Variants in SGSH observed in about 807,000 individuals in gnomAD.
The protein encoded by SGSH is heparan sulfate sulfatase.
In SGSH, 48 loss-of-function variants were observed where a neutral mutation model predicts 51.0. That is an observed-to-expected ratio of 0.94 (90% CI 0.75 to 1.20). SGSH has a LOEUF of 1.20. Among genes scored for constraint, SGSH ranks in the 50% most tolerant of loss-of-function variants. The pLI, the probability that SGSH is intolerant of heterozygous loss-of-function variation, is 0.00. For synonymous variants in SGSH, 321 were observed against 313.4 expected (o/e 1.02, Z -0.26); for missense variants, 662 against 717.8 (o/e 0.92, Z 0.89).
downstream of SGSH, chr17:80,202,226 G>T: frequency 6.2e-7 from 1 of 1,613,966 alleles, no homozygotes; most frequent in Non-Finnish European, 8.5e-7. Flanking sequence ...TGGCGACCTC[G>T]GGGGACTCAT....
chr17:80,211,408 C>T lies in SGSH; in HGVS notation c.950-397G>A, dbSNP rs529363567. Reference sequence around the variant, plus strand: ...TCGGAGGGAAAGGGAACCTGAGTTTCCTGCTGTCCCGGGCCCACCCCACCT... The same window carrying T: ...TCGGAGGGAAAGGGAACCTGAGTTTTCTGCTGTCCCGGGCCCACCCCACCT... On this transcript the variant is annotated intron_variant, in intron 7 of 7. Coordinates refer to ENST00000326317, the MANE Select transcript of SGSH (RefSeq NM_000199.5). 9.0e-5 allele frequency: 29 copies of T among 322,304 alleles called. No individual in the cohort carries two copies. In the East Asian group the frequency reaches 1.8e-3, roughly 20 times the overall value. 20.0% of individuals were successfully genotyped at this position (322,304 alleles called of 1,614,324 possible).
downstream of SGSH, chr17:80,202,265 G>A (rs1598696214): frequency 6.2e-7 from 1 of 1,613,906 alleles, no homozygotes; most frequent in Non-Finnish European, 8.5e-7. Flanking sequence ...TGGCCATGGA[G>A]GGCAGGGCCA....
At chr17:80,207,349 G>C (rs926902316), downstream of SGSH, among the ~76,000 whole-genome samples, 19 of 152,182 alleles carry the variant, frequency 1.2e-4, no homozygotes, top group Non-Finnish European at 2.6e-4. Flanking sequence ...TCAGCAGTTC[G>C]AGACCAGCCT....
At chr17:80,217,647 T>G (rs1567929319) in intron 1 of SGSH, among the ~76,000 whole-genome samples, 1 of 150,656 alleles carries the variant, frequency 6.6e-6, no homozygotes. Flanking sequence ...ATGGTGGGTA[T>G]GTTGGCAGGT....
rs1467891010 is a variant in SGSH at position 80,209,745 on chromosome 17, A to C, written c.*707T>G. 1.0e-6 allele frequency: 1 copy of C among 985,518 alleles called. No individual in the cohort carries two copies. Among genetic ancestry groups the C allele is most frequent in the Admixed American group, 6.1e-5 (1 of 16,270 alleles). The allele number at this position is 985,518 out of a possible 1,614,324, so 61.0% of individuals were successfully genotyped here. A position where few individuals can be genotyped will look rare whatever the true frequency, so the allele number is the denominator to read the frequency against. ...AGAGGACGGGCATCGCCATGCCTTC[A>C]TCTTCGGACACTCTCAAAAAAGATA... On this transcript the variant is annotated 3_prime_UTR_variant, in exon 8 of 8. Coordinates refer to ENST00000326317, the MANE Select transcript of SGSH (RefSeq NM_000199.5).
At chr17:80,202,493 TTCC>T, downstream of SGSH, 2 of 1,557,468 alleles carry the variant, frequency 1.3e-6, no homozygotes, top group Non-Finnish European at 1.7e-6. Context: ...CTGCCTCGGC[TTCC>T]TCCTCCTGCC....
intron 7 of SGSH, 111 bp downstream of exon 7, chr17:80,211,960 A>G (rs888736582): frequency 2.3e-6 from 2 of 869,692 alleles, no homozygotes; most frequent in South Asian, 1.4e-5. Context: ...CCTCACCCAG[A>G]TGATATGAGA....
At position 80,212,394 on chromosome 17, in the gene SGSH, G is replaced by A. The variant is rs868126053; in HGVS notation, c.746-120C>T. 13 of 856,358 alleles carry A rather than the reference G, an allele frequency of 1.5e-5. No homozygotes were observed. The highest frequency in any genetic ancestry group is 2.1e-5 in the Non-Finnish European group (11 of 524,278). 53.0% of individuals were successfully genotyped at this position (856,358 alleles called of 1,614,324 possible). A position where few individuals can be genotyped will look rare whatever the true frequency, so the allele number is the denominator to read the frequency against. ...CTGGGCTCCAGCGCTTTCCGGATTC[G>A]AAAGCACCCTGTAGTTCTTCCCAAT... On this transcript the variant is annotated intron_variant, in intron 6 of 7. Coordinates refer to ENST00000326317, the MANE Select transcript of SGSH (RefSeq NM_000199.5). The surrounding 1 kb of genome is among the most constrained non-coding windows in gnomAD (Gnocchi z 5.9).
chr17:80,205,869 C>G (rs2144579838), downstream of SGSH: 1 of 473,986 alleles, frequency 2.1e-6, no homozygotes, highest in African/African-American at 2.0e-5. Context: ...CCTTGAATCT[C>G]AGTTTCCTCA....
chr17:80,209,931 G>A lies in SGSH; in HGVS notation c.*521C>T, dbSNP rs2041563464. ...CTCAAAGGCTTCCTCTAGGCCAGAC[G>A]CTGGTAAGAGCCAGGCGCCGTGCTC... On this transcript the variant is annotated 3_prime_UTR_variant, in exon 8 of 8. Transcript: ENST00000326317. 5 of 998,492 alleles carry A rather than the reference G, an allele frequency of 5.0e-6. No individual in the cohort carries two copies. The highest frequency in any genetic ancestry group is 1.7e-5 in the African/African-American group (1 of 57,502). 61.9% of individuals were successfully genotyped at this position (998,492 alleles called of 1,614,324 possible).
downstream of SGSH, chr17:80,208,633 G>A (rs7211773): frequency 0.53 from 191,652 of 361,914 alleles, 53,045 homozygotes; most frequent in East Asian, 0.64. Context: ...CAGGAGGGAC[G>A]TCTTCCCATG....
rs2041536221 is a variant in SGSH, at chr17:80,209,479, G to A, written c.*973C>T. 1 of 985,392 alleles carries A rather than the reference G, an allele frequency of 1.0e-6. No individual in the cohort carries two copies. The highest frequency in any genetic ancestry group is 1.2e-6 in the Non-Finnish European group (1 of 830,076). 61.0% of individuals were successfully genotyped at this position (985,392 alleles called of 1,614,324 possible). On this transcript the variant is annotated 3_prime_UTR_variant, in exon 8 of 8. Transcript: ENST00000326317. ...CAGGCCGGGCTTCTGCTCCCGAGGT[G>A]GGTGGAGGCAGGGCAGGAACGGCAC... is the stretch of plus-strand genomic sequence containing the variant.
In SGSH at chr17:80,213,921, A is replaced by G. The variant is rs35087113; in HGVS notation, c.664-36T>C. On this transcript the variant is annotated intron_variant, in intron 5 of 7. Coordinates refer to ENST00000326317, the MANE Select transcript of SGSH (RefSeq NM_000199.5). The surrounding 1 kb of genome is among the most constrained non-coding windows in gnomAD (Gnocchi z 4.6). Reference sequence around the variant, plus strand: ...CGGTGGGGAGCCAGGCTTAGAACAGACAGACCGGGGGAGCGGTGTCCAGCC... The same window carrying G: ...CGGTGGGGAGCCAGGCTTAGAACAGGCAGACCGGGGGAGCGGTGTCCAGCC... The G allele has an allele frequency of 0.35, 550,807 of 1,578,206 alleles. 98,611 individuals carry two copies. The highest frequency in any genetic ancestry group is 0.52 in the Admixed American group (29,161 of 56,522).
chr17:80,203,435 C>T, downstream of SGSH: 1 of 203,692 alleles, frequency 4.9e-6, no homozygotes, highest in Non-Finnish European at 9.8e-6. The surrounding 1 kb of genome is among the most constrained non-coding windows in gnomAD (Gnocchi z 4.6). Flanking sequence ...GCCAGCAGGT[C>T]CAGGGAGAGG....
chr17:80,201,487 CAAAG>C, the SGSH span: 4 of 510,064 alleles, frequency 7.8e-6, no homozygotes, highest in Non-Finnish European at 1.0e-5. This position sits in a 1 kb window ranked among gnomAD's most constrained non-coding sequence, Gnocchi z 5.0. Context: ...GTGCTTATCA[CAAAG>C]AACCCCCGAT....
At chr17:80,217,781 G>A (rs1403851805) in intron 1 of SGSH, among the ~76,000 whole-genome samples, 1 of 152,012 alleles carries the variant, frequency 6.6e-6, no homozygotes, top group African/African-American at 2.4e-5. Flanking sequence ...GATGATGCGT[G>A]GTTGGTATGT....
At position 80,214,666 on chromosome 17, in the gene SGSH, A is replaced by C. The variant is rs748362261; in HGVS notation, c.455T>G (p.Ile152Ser). 6.2e-7 allele frequency: 1 copy of C among 1,613,468 alleles called. No homozygotes were observed. Among genetic ancestry groups the C allele is most frequent in the East Asian group, 2.2e-5 (1 of 44,870 alleles). The change falls in exon 4 of 8, where the codon ATC becomes AGC. Residue 152 changes from isoleucine to serine, a missense_variant. Ile to Ser is a moderately radical substitution (Grantham distance 142). Transcript: ENST00000326317. ...NGSVLQVGRN[I>S]TRIKLLVRKF... is the part of the protein sequence containing the mutation. ...CCGGACGAGCAGCTTAATTCTAGTG[A>C]TGTTCCGCCCCACCTGGAGGACGGA...
the SGSH span, chr17:80,201,708 G>T: frequency 6.2e-7 from 1 of 1,611,152 alleles, no homozygotes; most frequent in African/African-American, 1.3e-5. This position sits in a 1 kb window ranked among gnomAD's most constrained non-coding sequence, Gnocchi z 5.0. Flanking sequence ...TCAGAGTCCC[G>T]GGGGAAAGAG....
downstream of SGSH, chr17:80,202,289 G>A (rs750067001): frequency 6.2e-7 from 1 of 1,613,750 alleles, no homozygotes; most frequent in Non-Finnish European, 8.5e-7. Flanking sequence ...GGGAGCTGCA[G>A]GTGCATTGCA....
Sources: allele counts gnomAD v4.1 joint callset (sites outside exome capture counted in the v4.1 genomes callset), GRCh38; gene constraint gnomAD v4.1.1; non-coding constraint Gnocchi (gnomAD v3.1); transcripts MANE v1.5; gene names NCBI Gene and HGNC (gene_info 2026-07-23, HGNC 2026-07-21).